CBX2: variants seen among roughly 807,000 people sequenced by gnomAD.
CBX2 encodes chromobox protein homolog 2.
In CBX2, 11 loss-of-function variants were observed where a neutral mutation model predicts 21.0. The ratio of observed to expected loss-of-function variants is 0.52; its 90% CI spans 0.33 to 0.87. The LOEUF (loss-of-function observed/expected upper bound fraction) is 0.87. Among genes scored for constraint, CBX2 ranks in the 40% least tolerant of loss-of-function variants. The probability of loss-of-function intolerance (pLI) is 0.02; values close to 1 mark genes in which losing one functional copy is unlikely to be tolerated. For synonymous variants in CBX2, 364 were observed against 304.6 expected, an observed-to-expected ratio of 1.19 and a Z score of -2.03; for missense variants, 746 against 724.3, an observed-to-expected ratio of 1.03 and a Z score of -0.34.
At chr17:79,780,874 T>A (rs1020992678) in intron 3 of CBX2, among the ~76,000 whole-genome samples, 2 of 152,182 alleles carry the variant, frequency 1.3e-5, no homozygotes, top group African/African-American at 4.8e-5. Flanking sequence ...GGACCAGCAC[T>A]TAAGAGTATG....
At position 79,781,576 on chromosome 17, in the gene CBX2, G is replaced by A. The variant is rs552106640; in HGVS notation, c.183-120G>A. ...CTTGGGTATTTGATGATGTGTTTGC[G>A]GCAAACAGGATAAGCTATTACAGGC... On this transcript the variant is annotated intron_variant, in intron 3 of 4. Transcript: ENST00000310942. The A allele has an allele frequency of 4.0e-5, 35 of 870,468 alleles. No individual in the cohort carries two copies. Among genetic ancestry groups the A allele is most frequent in the African/African-American group, 2.3e-4 (14 of 60,848 alleles). The allele number at this position is 870,468 out of a possible 1,614,324, so 53.9% of individuals were successfully genotyped here.
At chr17:79,782,139 G>C in intron 4 of CBX2, 1 of 1,612,932 alleles carries the variant, frequency 6.2e-7, no homozygotes, top group East Asian at 2.2e-5. Context: ...CAGGAAGCAT[G>C]CGTACAGTAG....
chr17:79,784,030 C>T lies in CBX2; in HGVS notation c.587C>T (p.Pro196Leu), dbSNP rs1179841115. The T allele has an allele frequency of 2.0e-5, 32 of 1,612,862 alleles. No homozygotes were observed. Among genetic ancestry groups the T allele is most frequent in the South Asian group, 6.6e-5 (6 of 91,084 alleles). Residue 196 changes from proline (P) to leucine (L), a missense_variant, in exon 5 of 5, where the codon CCG becomes CTG. Around this residue, in one of 2 missense-constraint regions of CBX2, gnomAD observed 701 missense variants for 650.7 expected, o/e 1.08. Transcript: ENST00000310942. This position sits in a 1 kb window ranked among gnomAD's most constrained non-coding sequence, Gnocchi z 5.9. ...ACCGCCCGGAAGGATCTGGGGGCCC[C>T]GGCCAGCAAGCTGCCCCCTCCACTC... ...LKTARKDLGA[P>L]ASKLPPPLSA...
Position 79,784,725 on chromosome 17 carries a change from A to G in CBX2, c.1282A>G (p.Arg428Gly). ...GGCGCCACCCACCCCTGCCAGCAAG[A>G]GGGACTGTGTCAAGGGCAGTGCTAC... is the stretch of plus-strand genomic sequence containing the variant. ...AVAPPTPASK[R>G]DCVKGSATPS... Residue 428 changes from arginine (R) to glycine (G), a missense_variant, in exon 5 of 5, where the codon AGG (arginine) becomes GGG (glycine). This residue lies in a region of CBX2 where 701 missense variants were observed against 650.7 expected (regional missense o/e 1.08). Transcript: ENST00000310942. This position sits in a 1 kb window ranked among gnomAD's most constrained non-coding sequence, Gnocchi z 5.9. 6.2e-7 allele frequency: 1 copy of G among 1,611,598 alleles called. No homozygotes were observed. The highest frequency in any genetic ancestry group is 1.1e-5 in the South Asian group (1 of 90,888).
chr17:79,782,304 C>T (rs965763303), intron 4 of CBX2: 6 of 1,516,558 alleles, frequency 4.0e-6, no homozygotes, highest in Admixed American at 4.0e-5. Context: ...TGGAGGAGGG[C>T]AGAGGCAGTG....
intron 3 of CBX2, 121 bp from the exon 4 acceptor site, chr17:79,781,575 C>A: frequency 1.2e-6 from 1 of 861,982 alleles, no homozygotes. Context: ...GATGTGTTTG[C>A]GGCAAACAGG....
intron 3 of CBX2, among the ~76,000 whole-genome samples, chr17:79,780,302 A>G (rs1214740482): frequency 6.6e-6 from 1 of 152,228 alleles, no homozygotes; most frequent in African/African-American, 2.4e-5. Flanking sequence ...CAAAAGGTGC[A>G]TTCCCTTTTT....
Position 79,785,128 on chromosome 17 carries a change from C to T in CBX2, c.*86C>T. On this transcript the variant is annotated 3_prime_UTR_variant, in exon 5 of 5. Transcript: ENST00000310942. ...CTAAGTGACTCCCAGCCCAAGCCCC[C>T]TCAAGAGTCTGGGTCGGGGGAGGAG... 3.3e-6 allele frequency: 4 copies of T among 1,215,768 alleles called. No individual in the cohort carries two copies. The highest frequency in any genetic ancestry group is 3.0e-5 in the African/African-American group (2 of 67,154). 75.3% of individuals were successfully genotyped at this position (1,215,768 alleles called of 1,614,324 possible). A position where few individuals can be genotyped will look rare whatever the true frequency, so the allele number is the denominator to read the frequency against.
rs1555829329 is a variant in CBX2 at position 79,778,219 on chromosome 17, G to T, written c.-17G>T. 7.4e-7 allele frequency: 1 copy of T among 1,354,316 alleles called. No homozygotes were observed. Among genetic ancestry groups the T allele is most frequent in the Non-Finnish European group, 9.5e-7 (1 of 1,048,716 alleles). 83.9% of individuals were successfully genotyped at this position (1,354,316 alleles called of 1,614,324 possible). On this transcript the variant is annotated 5_prime_UTR_variant, in exon 1 of 5. Transcript: ENST00000310942. The surrounding 1 kb of genome is among the most constrained non-coding windows in gnomAD (Gnocchi z 4.8). ...GACTGGCGGCGGGCGCCGCGGTCGG[G>T]CTGGCTGCCGGGCAGCATGGAGGAG...
At chr17:79,782,206 T>C in intron 4 of CBX2, 6 of 1,609,084 alleles carry the variant, frequency 3.7e-6, no homozygotes, top group Non-Finnish European at 5.1e-6. Flanking sequence ...TGGGGGCTAC[T>C]CCGGGCCCAC....
chr17:79,779,769 C>T (rs1357070835), intron 3 of CBX2: 1 of 350,854 alleles, frequency 2.9e-6, no homozygotes, highest in Non-Finnish European at 5.5e-6. Context: ...GTAATTTGCA[C>T]ATGGCGCTAA....
In CBX2 at chr17:79,784,914, C is replaced by G. The variant is rs1907531806; in HGVS notation, c.1471C>G (p.Gln491Glu). Residue 491 changes from glutamine (Q) to glutamate (E), a missense_variant, in exon 5 of 5, where the codon CAG (glutamine) becomes GAG (glutamate). Coordinates refer to ENST00000310942, the MANE Select transcript of CBX2 (RefSeq NM_005189.3). This position sits in a 1 kb window ranked among gnomAD's most constrained non-coding sequence, Gnocchi z 5.9. ...CCCGTCAGTGTCCGTTCAGACCAGC[C>G]AGGACTGGAAGCCCACCCGCAGCCT... ...QNPSVSVQTS[Q>E]DWKPTRSLIE... 6.2e-7 allele frequency: 1 copy of G among 1,613,372 alleles called. No individual in the cohort carries two copies. Among genetic ancestry groups the G allele is most frequent in the Non-Finnish European group, 8.5e-7 (1 of 1,180,056 alleles).
rs1555831291 is a variant in CBX2 at position 79,784,620 on chromosome 17, G to A, written c.1177G>A (p.Gly393Arg). The A allele has an allele frequency of 1.2e-6, 2 of 1,612,598 alleles. No individual in the cohort carries two copies. The highest frequency in any genetic ancestry group is 1.7e-4 in the Middle Eastern group (1 of 6,060). The change falls in exon 5 of 5, where the codon GGG becomes AGG. Residue 393 changes from glycine to arginine, a missense_variant. Physicochemically the swap from Gly to Arg is moderately radical, Grantham distance 125 (BLOSUM62 -2). Around this residue, in one of 2 missense-constraint regions of CBX2, gnomAD observed 701 missense variants for 650.7 expected, o/e 1.08. Coordinates refer to ENST00000310942, the MANE Select transcript of CBX2 (RefSeq NM_005189.3). This position sits in a 1 kb window ranked among gnomAD's most constrained non-coding sequence, Gnocchi z 5.9. Reference sequence around the variant, plus strand: ...CAACCCAGCCCCTGGGAAGGGCACTGGGAGTGGCCTCATTGGGGCCAGCGG... The same window carrying A: ...CAACCCAGCCCCTGGGAAGGGCACTAGGAGTGGCCTCATTGGGGCCAGCGG... Reference protein sequence around the residue: ...ATNPAPGKGTGSGLIGASGAT... With the variant: ...ATNPAPGKGTRSGLIGASGAT...
At position 79,779,558 on chromosome 17, in the gene CBX2, G is replaced by C. The variant is rs1477087224; in HGVS notation, c.182+131G>C. 4 of 782,218 alleles carry C rather than the reference G, an allele frequency of 5.1e-6. No homozygotes were observed. In the African/African-American group the frequency reaches 5.1e-5, roughly 10 times the overall value. 48.5% of individuals were successfully genotyped at this position (782,218 alleles called of 1,614,324 possible). ...GTCTGAGGTCCCTTAGCAAGATTGT[G>C]TCCAGGGCCATCTCTGTGGCTGGCT... On this transcript the variant is annotated intron_variant, in intron 3 of 4. Transcript: ENST00000310942.
Position 79,785,500 on chromosome 17 carries a change from CAG to C in CBX2, c.*463_*464del, listed in dbSNP as rs782646046. ...ACCTTGCCTTCAGCCCTGGAGTGGG[CAG>C]AGAGTATTGTGGGGAGGCATGGCCA... On this transcript the variant is annotated 3_prime_UTR_variant, in exon 5 of 5. Coordinates refer to ENST00000310942, the MANE Select transcript of CBX2 (RefSeq NM_005189.3). 4.1e-5 allele frequency: 9 copies of C among 221,160 alleles called. No homozygotes were observed. Among genetic ancestry groups the C allele is most frequent in the South Asian group, 2.2e-4 (3 of 13,798 alleles). The allele number at this position is 221,160 out of a possible 1,614,324, so 13.7% of individuals were successfully genotyped here.
chr17:79,781,460 G>T (rs146911920), intron 3 of CBX2, among the ~76,000 whole-genome samples: 2 of 152,178 alleles, frequency 1.3e-5, no homozygotes, highest in African/African-American at 2.4e-5. Flanking sequence ...TTTTCCCAGC[G>T]TTGCTTTCCT....
intron 4 of CBX2, 120 bp downstream of exon 4, chr17:79,781,921 C>T (rs782816092): frequency 1.2e-6 from 2 of 1,614,044 alleles, no homozygotes; most frequent in Non-Finnish European, 1.7e-6. Flanking sequence ...AACAGTCTGT[C>T]CCTCTACTCG....
At position 79,784,186 on chromosome 17, in the gene CBX2, G is replaced by A; in HGVS notation, c.743G>A (p.Gly248Asp). Residue 248 changes from glycine (G) to aspartate (D), a missense_variant, in exon 5 of 5, where the codon GGT (glycine) becomes GAT (aspartate). By Grantham distance (94) the Gly-to-Asp change is moderately conservative. This residue lies in a region of CBX2 where 701 missense variants were observed against 650.7 expected (regional missense o/e 1.08). Coordinates refer to ENST00000310942, the MANE Select transcript of CBX2 (RefSeq NM_005189.3). The surrounding 1 kb of genome is among the most constrained non-coding windows in gnomAD (Gnocchi z 5.9). ...MKGMASSPGR[G>D]GISWQSSIVH... is the part of the protein sequence containing the mutation. Reference sequence around the variant, plus strand: ...GGCATGGCCAGTAGCCCCGGCCGGGGTGGCATCAGCTGGCAGAGCTCCATC... The same window carrying A: ...GGCATGGCCAGTAGCCCCGGCCGGGATGGCATCAGCTGGCAGAGCTCCATC... 3.1e-6 allele frequency: 5 copies of A among 1,612,878 alleles called. No homozygotes were observed. The highest frequency in any genetic ancestry group is 3.4e-6 in the Non-Finnish European group (4 of 1,179,968).
upstream of CBX2, among the ~76,000 whole-genome samples, chr17:79,777,966 C>G (rs1384369867): frequency 6.2e-5 from 9 of 145,308 alleles, no homozygotes; most frequent in African/African-American, 1.5e-4. Flanking sequence ...CGGGACCCCC[C>G]GCCGGAGCGC....
Sources: gnomAD v4.1 joint callset for allele counts (sites outside exome capture counted in the v4.1 genomes callset) on GRCh38, gnomAD v4.1.1 for gene constraint, gnomAD v4.1.1 regional missense constraint, Gnocchi (gnomAD v3.1) non-coding constraint, MANE v1.5 for transcripts, NCBI Gene and HGNC (gene_info 2026-07-23, HGNC 2026-07-21) for gene names.